COL4A6: variants seen among roughly 807,000 people sequenced by gnomAD.
The protein encoded by COL4A6 is collagen alpha-6(IV) chain.
In COL4A6, 59 loss-of-function variants were observed where a neutral mutation model predicts 126.7. That is an observed-to-expected ratio of 0.47 (90% confidence interval 0.38 to 0.58). The LOEUF is 0.58. Ranked by LOEUF, COL4A6 falls within the 20% of genes least tolerant of loss-of-function variation. COL4A6 has a pLI of 0.00. For missense variants in COL4A6, 1,285 were observed against 1,337.3 expected, an observed-to-expected ratio of 0.96 and a Z score of 0.61; for synonymous variants, 547 against 496.6, an observed-to-expected ratio of 1.10 and a Z score of -1.35.
chrX:108,246,234 A>C (rs757206327), intron 3 of COL4A6, among the ~76,000 whole-genome samples: 52 of 112,126 alleles, frequency 4.6e-4, no homozygotes, highest in Non-Finnish European at 7.9e-4. Context: ...TATGCGATTA[A>C]CAATAGCATC....
chrX:108,295,159 G>A (rs1029192123), intron 3 of COL4A6, among the ~76,000 whole-genome samples: 11 of 111,854 alleles, frequency 9.8e-5, no homozygotes, highest in African/African-American at 3.2e-4. Context: ...GGAGATGATC[G>A]GGCAGTTTCT....
At chrX:108,199,856 G>T (rs906900509) in intron 13 of COL4A6, among the ~76,000 whole-genome samples, 5 of 111,593 alleles carry the variant, frequency 4.5e-5, no homozygotes, top group Non-Finnish European at 9.4e-5. Context: ...GAGCAAACTG[G>T]ACTGTAGGGG....
chrX:108,169,180 C>A (rs1336282685), intron 37 of COL4A6, among the ~76,000 whole-genome samples: 1 of 111,752 alleles, frequency 8.9e-6, no homozygotes, highest in Non-Finnish European at 1.9e-5. Context: ...TGGACAAGCC[C>A]TGTCCCTCAG....
intron 2 of COL4A6, among the ~76,000 whole-genome samples, chrX:108,350,386 T>C (rs1005099582): frequency 1.8e-5 from 2 of 111,313 alleles, no homozygotes; most frequent in South Asian, 7.7e-4. Context: ...ACCAGCATTA[T>C]CATCATCACC....
chrX:108,221,371 G>A lies in COL4A6; in HGVS notation c.148C>T (p.Arg50Ter), dbSNP rs2036014231. 2 of 1,209,918 alleles carry A rather than the reference G, an allele frequency of 1.7e-6. No homozygotes were observed. Among genetic ancestry groups the A allele is most frequent in the Non-Finnish European group, 2.2e-6 (2 of 894,544 alleles). Reference protein sequence around the residue: ...QCFPEKGARGRPGPIGIQGPT... With the variant: ...QCFPEKGARG ...CCTTGAATTCCAATTGGTCCAGGTC[G>A]TCCCTAAGGTGGACAGAAGGAGTGC... Residue 50 changes from arginine (R) to a stop codon, truncating the protein, a stop_gained, in exon 4 of 45, where the codon CGA becomes TGA. Transcript: ENST00000334504. LOFTEE classifies it high-confidence loss of function.
In COL4A6 at chrX:108,195,072, A is replaced by G. The variant is rs758251624; in HGVS notation, c.948+10T>C. 4.2e-6 allele frequency: 5 copies of G among 1,197,556 alleles called. No homozygotes were observed. In the South Asian group the frequency reaches 7.3e-5, roughly 17 times the overall value. On this transcript the variant is annotated intron_variant, in intron 15 of 44. Coordinates refer to ENST00000334504, the MANE Select transcript of COL4A6 (RefSeq NM_033641.4). ...ATACCCCAAGGCTTTAATGATATTA[A>G]CCAAAATACCTGTTGCCCTGGAGGG...
chrX:108,351,113 A>G (rs2039830517), intron 2 of COL4A6, among the ~76,000 whole-genome samples: 2 of 111,525 alleles, frequency 1.8e-5, no homozygotes, highest in African/African-American at 6.5e-5. Flanking sequence ...TGCACATCCT[A>G]GCGCCTGGAC....
chrX:108,330,384 G>A (rs1234324966), intron 2 of COL4A6, among the ~76,000 whole-genome samples: 4 of 111,612 alleles, frequency 3.6e-5, no homozygotes, highest in Admixed American at 1.9e-4. Flanking sequence ...TACTCTATGA[G>A]CTTTAATTAG....
chrX:108,217,951 C>G (rs187251285), intron 5 of COL4A6, among the ~76,000 whole-genome samples: 18 of 111,901 alleles, frequency 1.6e-4, no homozygotes, highest in African/African-American at 5.5e-4. Context: ...GAGCAGTAAG[C>G]TCATTAAGAG....
intron 20 of COL4A6, among the ~76,000 whole-genome samples, chrX:108,189,977 G>A (rs2034987344): frequency 8.9e-6 from 1 of 112,646 alleles, no homozygotes. Context: ...TCATTGATCA[G>A]TTCTCCAACA....
intron 2 of COL4A6, among the ~76,000 whole-genome samples, chrX:108,400,286 T>G (rs1480724108): frequency 9.0e-6 from 1 of 111,335 alleles, no homozygotes; most frequent in African/African-American, 3.3e-5. Context: ...TTTCAGAGTC[T>G]CTTAAAATAA....
At chrX:108,295,492 T>C (rs1048395112) in intron 3 of COL4A6, among the ~76,000 whole-genome samples, 39 of 112,883 alleles carry the variant, frequency 3.5e-4, no homozygotes, top group African/African-American at 1.3e-3. Flanking sequence ...TTTAAAAAAG[T>C]GAAAAAATGC....
chrX:108,172,390 A>AATT, intron 32 of COL4A6, 79 bp downstream of exon 32: 2 of 526,435 alleles, frequency 3.8e-6, no homozygotes, highest in Non-Finnish European at 5.7e-6. Flanking sequence ...AAAAAAAAAA[A>AATT]GAGAGAGACC....
At position 108,163,193 on chromosome X, in the gene COL4A6, A is replaced by G. The variant is rs1431647253; in HGVS notation, c.4070-155T>C. Reference sequence around the variant, plus strand: ...TATCTCCAGGATGGCACTGTGTGATATTATACAATCTTTATCCATCTCTCT... The same window carrying G: ...TATCTCCAGGATGGCACTGTGTGATGTTATACAATCTTTATCCATCTCTCT... On this transcript the variant is annotated intron_variant, in intron 40 of 44. Transcript: ENST00000334504. 7 of 447,522 alleles carry G rather than the reference A, an allele frequency of 1.6e-5. No homozygotes were observed. The Middle Eastern group carries it at 3.7e-3, about 239-fold the overall frequency. The allele number at this position is 447,522 out of a possible 1,213,427, so 36.9% of individuals were successfully genotyped here.
At chrX:108,206,887 T>C (rs1386131185) in intron 8 of COL4A6, 1 of 334,856 alleles carries the variant, frequency 3.0e-6, no homozygotes, top group Non-Finnish European at 5.4e-6. Context: ...TCATTCCCTT[T>C]ACATGAAGTT....
chrX:108,224,608 T>C (rs769603898), intron 3 of COL4A6, among the ~76,000 whole-genome samples: 1 of 111,148 alleles, frequency 9.0e-6, no homozygotes, highest in African/African-American at 3.3e-5. Flanking sequence ...TCCATGGATG[T>C]CCTTTCATAC....
At chrX:108,388,195 C>T (rs959385617) in intron 2 of COL4A6, among the ~76,000 whole-genome samples, 14 of 111,210 alleles carry the variant, frequency 1.3e-4, no homozygotes, top group East Asian at 2.8e-4. Flanking sequence ...GTTGTGTCTC[C>T]GCCAGGTTTT....
chrX:108,419,746 A>T (rs2041497310), intron 2 of COL4A6, among the ~76,000 whole-genome samples: 2 of 111,964 alleles, frequency 1.8e-5, no homozygotes. Flanking sequence ...TTACCATAAC[A>T]CTAAATAGCA....
chrX:108,427,271 A>G (rs2064103279), intron 2 of COL4A6, among the ~76,000 whole-genome samples: 1 of 111,828 alleles, frequency 8.9e-6, no homozygotes, highest in South Asian at 3.7e-4. Context: ...TGCTCTGGCT[A>G]CAGTGGCTTA....
Sources: gnomAD v4.1 joint callset for allele counts (sites outside exome capture counted in the v4.1 genomes callset) on GRCh38, gnomAD v4.1.1 for gene constraint, MANE v1.5 for transcripts, NCBI Gene and HGNC (gene_info 2026-07-23, HGNC 2026-07-21) for gene names.